MAPK10: variants seen among roughly 807,000 people sequenced by gnomAD.
MAPK10 encodes the protein mitogen-activated protein kinase 10.
MAPK10 carries 25 observed loss-of-function variants against 59.3 expected under a neutral mutation model. The ratio of observed to expected loss-of-function variants is 0.42; its 90% CI spans 0.31 to 0.59. The LOEUF is 0.59. Among genes scored for constraint, MAPK10 ranks in the 20% least tolerant of loss-of-function variants. MAPK10 has a pLI of 0.15. For missense variants in MAPK10, 351 were observed against 568.9 expected (o/e 0.62, Z 3.90); for synonymous variants, 190 against 200.5 (o/e 0.95, Z 0.44).
intron 2 of MAPK10, chr4:86,336,308 C>T (rs191384899): frequency 3.9e-5 from 6 of 152,270 alleles, no homozygotes; most frequent in Admixed American, 1.3e-4. Context: ...AACTCCAGAA[C>T]TTGGTCTTAG....
intron 2 of MAPK10, among the ~76,000 whole-genome samples, chr4:86,319,311 G>C (rs1454758668): frequency 6.6e-6 from 1 of 152,102 alleles, no homozygotes; most frequent in Non-Finnish European, 1.5e-5. Flanking sequence ...AGGAATTATA[G>C]AGAGAAACTG....
chr4:86,046,921 T>C (rs1223985391), intron 11 of MAPK10, among the ~76,000 whole-genome samples: 1 of 152,146 alleles, frequency 6.6e-6, no homozygotes, highest in Non-Finnish European at 1.5e-5. Context: ...TCTTAAATTC[T>C]AGTTGATGAG....
chr4:86,464,638 G>A lies in MAPK10; in HGVS notation c.-262-109994C>T, dbSNP rs185694385. Among the ~76,000 whole-genome samples the A allele has an allele frequency of 6.8e-3, 1,032 of 152,036 alleles. 10 individuals are homozygous for A. Among genetic ancestry groups the A allele is most frequent in the Non-Finnish European group, 6.8e-3 (464 of 67,980 alleles). The stretch of plus-strand genomic sequence containing the variant: ...AGATCAAGACCATCCTGGCTAACAC[G>A]GCGAAACCCCGTCTCTACTAAAGTA... On this transcript the variant is annotated intron_variant, in intron 1 of 4. Transcript: ENST00000502302.
At chr4:86,139,478 A>G (rs1358879760) in intron 4 of MAPK10, among the ~76,000 whole-genome samples, 1 of 151,516 alleles carries the variant, frequency 6.6e-6, no homozygotes, top group Non-Finnish European at 1.5e-5. Context: ...CTGGCTAGCC[A>G]TATGTAGAAA....
At chr4:86,262,263 T>C (rs1423339544) in intron 2 of MAPK10, among the ~76,000 whole-genome samples, 1 of 152,144 alleles carries the variant, frequency 6.6e-6, no homozygotes, top group Non-Finnish European at 1.5e-5. Flanking sequence ...TCTTTTGCCC[T>C]TTTGCCTTCA....
intron 4 of MAPK10, among the ~76,000 whole-genome samples, chr4:86,149,509 C>T (rs1024577841): frequency 2.6e-5 from 4 of 152,158 alleles, no homozygotes; most frequent in African/African-American, 9.7e-5. Context: ...TCAGGTGATA[C>T]ACCCACCTCG....
chr4:86,404,477 G>A (rs1234406838), intron 1 of MAPK10, among the ~76,000 whole-genome samples: 3 of 152,088 alleles, frequency 2.0e-5, no homozygotes, highest in Non-Finnish European at 4.4e-5. Context: ...ACTTACCAAT[G>A]CCTACTGCTT....
At chr4:86,322,207 C>T (rs1214434863) in intron 2 of MAPK10, among the ~76,000 whole-genome samples, 3 of 152,162 alleles carry the variant, frequency 2.0e-5, no homozygotes, top group African/African-American at 7.2e-5. Context: ...CAGCTTCTGA[C>T]AACATTGTTT....
At chr4:86,511,498 G>A (rs566241594) in intron 1 of MAPK10, among the ~76,000 whole-genome samples, 7 of 152,198 alleles carry the variant, frequency 4.6e-5, no homozygotes, top group African/African-American at 1.7e-4. Flanking sequence ...CACAGGAGGT[G>A]AGGTTGCAGT....
chr4:86,043,716 G>A (rs1228804822), intron 11 of MAPK10, among the ~76,000 whole-genome samples: 1 of 152,148 alleles, frequency 6.6e-6, no homozygotes, highest in Non-Finnish European at 1.5e-5. Flanking sequence ...AAATAAAAGA[G>A]TACAGTGTCC....
chr4:86,074,362 GT>G (rs2048746702), intron 9 of MAPK10, among the ~76,000 whole-genome samples: 1 of 150,398 alleles, frequency 6.6e-6, no homozygotes, highest in Non-Finnish European at 1.5e-5. Context: ...GCCAGTCTGT[GT>G]CTTTTAATTG....
chr4:86,197,823 G>A (rs552126436), intron 2 of MAPK10, among the ~76,000 whole-genome samples: 37 of 152,186 alleles, frequency 2.4e-4, no homozygotes, highest in Admixed American at 9.8e-4. Context: ...GCCTAGCGCC[G>A]GCAAGGGAAG....
chr4:86,221,575 C>T (rs1426777451), intron 2 of MAPK10, among the ~76,000 whole-genome samples: 1 of 152,076 alleles, frequency 6.6e-6, no homozygotes, highest in Non-Finnish European at 1.5e-5. Context: ...CAGGCTCGAC[C>T]TCCCAGACTC....
intron 1 of MAPK10, chr4:86,356,727 A>T (rs1411709189): frequency 1.3e-5 from 2 of 152,234 alleles, no homozygotes; most frequent in Admixed American, 1.3e-4. Flanking sequence ...AATATGCAGC[A>T]TGATCTTTTT....
intron 1 of MAPK10, among the ~76,000 whole-genome samples, chr4:86,550,299 T>C (rs1197919762): frequency 6.7e-6 from 1 of 148,492 alleles, no homozygotes; most frequent in Non-Finnish European, 1.5e-5. Flanking sequence ...CAGGGCTAAT[T>C]TGGCATTCAG....
At chr4:86,414,205 A>C (rs1463013702) in intron 1 of MAPK10, among the ~76,000 whole-genome samples, 2 of 151,884 alleles carry the variant, frequency 1.3e-5, no homozygotes, top group African/African-American at 4.8e-5. Flanking sequence ...CAACCATTCT[A>C]CCCCTCATCC....
chr4:86,555,621 C>G (rs1364123618), intron 1 of MAPK10, among the ~76,000 whole-genome samples: 2 of 152,130 alleles, frequency 1.3e-5, no homozygotes, highest in African/African-American at 2.4e-5. Flanking sequence ...TGCTGGTATT[C>G]TGCATGTTTT....
At chr4:86,500,353 C>T (rs545356579) in intron 1 of MAPK10, among the ~76,000 whole-genome samples, 38 of 152,252 alleles carry the variant, frequency 2.5e-4, no homozygotes, top group Middle Eastern at 6.8e-3. Context: ...AGTTCAAGCA[C>T]GTTGCAGTAA....
chr4:86,393,209 A>AG (rs1742469837), intron 1 of MAPK10, among the ~76,000 whole-genome samples: 2 of 152,232 alleles, frequency 1.3e-5, no homozygotes, highest in Non-Finnish European at 2.9e-5. Context: ...GCATAACTTC[A>AG]ATTAGAAGGT....
Sources: gnomAD v4.1 joint callset for allele counts (sites outside exome capture counted in the v4.1 genomes callset) on GRCh38, gnomAD v4.1.1 for gene constraint, MANE v1.5 for transcripts, NCBI Gene and HGNC (gene_info 2026-07-23, HGNC 2026-07-21) for gene names.